CSF1R: variants seen among roughly 807,000 people sequenced by gnomAD.
CSF1R encodes the protein colony stimulating factor 1 receptor.
CSF1R carries 40 observed loss-of-function variants against 110.0 expected under a neutral mutation model. The observed-to-expected ratio is 0.36, with a 90% CI of 0.28 to 0.47. CSF1R has a LOEUF of 0.47. CSF1R is among the 20% of genes least tolerant of loss of function. CSF1R has a pLI of 0.99. For missense variants in CSF1R, 1,052 were observed against 1,253.0 expected (o/e 0.84, Z 2.42); for synonymous variants, 523 against 503.4 (o/e 1.04, Z -0.52).
chr5:150,105,382 ATATTTTTTTT>A (rs1237207559), intron 1 of CSF1R, among the ~76,000 whole-genome samples: 1 of 82,798 alleles, frequency 1.2e-5, no homozygotes, highest in African/African-American at 4.6e-5. Flanking sequence ...ATATATATAT[ATATTTTTTTT>A]TTTTTAATAG....
intron 16 of CSF1R, among the ~76,000 whole-genome samples, chr5:150,056,678 A>T (rs895551589): frequency 6.6e-6 from 1 of 152,228 alleles, no homozygotes; most frequent in Admixed American, 6.5e-5. Context: ...ACTTCTGATC[A>T]TAGCAGCTGC....
At chr5:150,055,216 C>G (rs762251526) in intron 19 of CSF1R, 21 bp downstream of exon 19, 38 of 1,608,178 alleles carry the variant, frequency 2.4e-5, no homozygotes, top group Non-Finnish European at 3.2e-5. Flanking sequence ...CCTTTTCCCT[C>G]CCTGGGATCC....
At chr5:150,059,388 TG>T (rs1757396538) in intron 14 of CSF1R, among the ~76,000 whole-genome samples, 1 of 152,232 alleles carries the variant, frequency 6.6e-6, no homozygotes, top group Non-Finnish European at 1.5e-5. Flanking sequence ...AGATCTTGGT[TG>T]ATCTTTTACA....
intron 10 of CSF1R, among the ~76,000 whole-genome samples, chr5:150,065,671 C>T (rs554072835): frequency 1.3e-5 from 2 of 151,304 alleles, no homozygotes; most frequent in East Asian, 3.9e-4. Flanking sequence ...CTGCCCCCTC[C>T]GCTCCCATGG....
intron 1 of CSF1R, among the ~76,000 whole-genome samples, chr5:150,083,357 C>T (rs1477508274): frequency 8.1e-6 from 1 of 124,044 alleles, no homozygotes; most frequent in East Asian, 2.1e-4. Context: ...CCAACACACA[C>T]ACACACACAC....
chr5:150,067,854 G>A (rs777919927), intron 10 of CSF1R, among the ~76,000 whole-genome samples: 4 of 152,114 alleles, frequency 2.6e-5, no homozygotes, highest in African/African-American at 7.2e-5. Flanking sequence ...TTGCTTTCAC[G>A]GCTTTTTGTT....
rs1265894621 is a variant in CSF1R at position 150,057,167 on chromosome 5, ACT to A, written c.2319+118_2319+119del. 8.8e-6 allele frequency: 7 copies of A among 798,922 alleles called. No individual in the cohort carries two copies. The Admixed American group carries it at 1.3e-4, about 15-fold the overall frequency. The allele number at this position is 798,922 out of a possible 1,614,324, so 49.5% of individuals were successfully genotyped here. A position where few individuals can be genotyped will look rare whatever the true frequency, so the allele number is the denominator to read the frequency against. ...GCTGCTGCCCAAATGACTCTCTCAT[ACT>A]CTGTCTCCTCCCCTACCCCCTCACA... On this transcript the variant is annotated intron_variant, in intron 16 of 20. Transcript: ENST00000675795.
At chr5:150,111,347 C>T (rs889752165) in intron 1 of CSF1R, among the ~76,000 whole-genome samples, 3 of 152,144 alleles carry the variant, frequency 2.0e-5, no homozygotes, top group African/African-American at 4.8e-5. Context: ...CCAGCTCACC[C>T]GTCTTCCCTG....
At position 150,060,974 on chromosome 5, in the gene CSF1R, TGGGA is replaced by T. The variant is rs1313902365; in HGVS notation, c.1859-6_1859-3del. ...CCTTCTCATCAGCATGGGCCGTGGC[TGGGA>T]GGAAGAACCACAGTCCCAAAGACAG... On this transcript the variant is annotated splice_region_variant and splice_polypyrimidine_tract_variant and intron_variant, in intron 12 of 20. Transcript: ENST00000675795. 6 of 1,589,678 alleles carry T rather than the reference TGGGA, an allele frequency of 3.8e-6. No homozygotes were observed. Among genetic ancestry groups the T allele is most frequent in the African/African-American group, 1.3e-5 (1 of 74,578 alleles).
intron 16 of CSF1R, among the ~76,000 whole-genome samples, chr5:150,056,564 C>G (rs1757226859): frequency 6.6e-6 from 1 of 152,170 alleles, no homozygotes; most frequent in Non-Finnish European, 1.5e-5. Flanking sequence ...CCCCATTACC[C>G]TGAGCAGCCA....
chr5:150,082,703 A>G (rs1758605258), intron 1 of CSF1R, among the ~76,000 whole-genome samples: 1 of 152,180 alleles, frequency 6.6e-6, no homozygotes, highest in South Asian at 2.1e-4. Flanking sequence ...CAGCTGGGTT[A>G]GTTTCTTAAC....
In CSF1R at chr5:150,078,218, A is replaced by C; in HGVS notation, c.623T>G (p.Val208Gly). The C allele has an allele frequency of 6.2e-7, 1 of 1,614,044 alleles. No individual in the cohort carries two copies. ...TCGAATCCGCACCAGCTCTGCAGGC[A>C]CCAGTGTCAAGGCTGGGGGCCCTGG... ...VIPGPPALTL[V>G]PAELVRIRGE... The change falls in exon 4 of 21, where the codon GTG becomes GGG. Residue 208 changes from valine to glycine, a missense_variant. Coordinates refer to ENST00000675795, the MANE Select transcript of CSF1R (RefSeq NM_001288705.3).
chr5:150,054,078 C>G lies in CSF1R; in HGVS notation c.2910G>C (p.Gln970His). The G allele has an allele frequency of 6.2e-7, 1 of 1,614,152 alleles. No homozygotes were observed. The highest frequency in any genetic ancestry group is 8.5e-7 in the Non-Finnish European group (1 of 1,180,032). ...AQPLLQPNNY[Q>H]FC ...CCCTGTCGTCAACTCCTCAGCAGAA[C>G]TGATAGTTGTTGGGCTGCAGCAAGG... The change falls in exon 21 of 21, where the codon CAG becomes CAC. Residue 970 changes from glutamine to histidine, a missense_variant. By Grantham distance (24) the Gln-to-His change is conservative (BLOSUM62 0). Transcript: ENST00000675795.
intron 14 of CSF1R, 135 bp downstream of exon 14, chr5:150,059,565 C>T (rs1757406591): frequency 9.9e-7 from 1 of 1,014,430 alleles, no homozygotes; most frequent in Non-Finnish European, 1.5e-6. Context: ...GTGGCTACTT[C>T]CCATGACACA....
intron 1 of CSF1R, among the ~76,000 whole-genome samples, chr5:150,093,294 G>T (rs569067730): frequency 3.3e-5 from 5 of 152,244 alleles, no homozygotes; most frequent in African/African-American, 1.2e-4. Context: ...GGCTAAGCTG[G>T]TCTCGAATTC....
chr5:150,075,035 G>C (rs1758203643), intron 5 of CSF1R, among the ~76,000 whole-genome samples: 1 of 152,138 alleles, frequency 6.6e-6, no homozygotes. Flanking sequence ...CAGTGCTCCA[G>C]GACACAGGAA....
At chr5:150,072,222 G>A (rs1011834265) in intron 6 of CSF1R, among the ~76,000 whole-genome samples, 1 of 152,166 alleles carries the variant, frequency 6.6e-6, no homozygotes, top group Non-Finnish European at 1.5e-5. Context: ...GGCCAGGCAC[G>A]ATGGCTCACA....
rs745487308 is a variant in CSF1R at position 150,069,918 on chromosome 5, T to TGTGG, written c.1461_1464dup (p.Asn489ProfsTer25). 6.2e-7 allele frequency: 1 copy of TGTGG among 1,613,870 alleles called. No homozygotes were observed. The highest frequency in any genetic ancestry group is 1.1e-5 in the South Asian group (1 of 91,080). On this transcript the variant is annotated frameshift_variant, in exon 9 of 21. Coordinates refer to ENST00000675795, the MANE Select transcript of CSF1R (RefSeq NM_001288705.3). LOFTEE classifies it high-confidence loss of function. The stretch of plus-strand genomic sequence containing the variant: ...GCCCAGGAGCCACTCCCCACGCTGT[T>TGTGG]GTGGGCCCTGCACTCGTAGGTTTGG...
At chr5:150,066,060 G>A (rs1214674059) in intron 10 of CSF1R, among the ~76,000 whole-genome samples, 1 of 152,226 alleles carries the variant, frequency 6.6e-6, no homozygotes, top group Non-Finnish European at 1.5e-5. Context: ...GTAAGGTCCT[G>A]TCCCTGGAGG....
Sources: allele counts gnomAD v4.1 joint callset (sites outside exome capture counted in the v4.1 genomes callset), GRCh38; gene constraint gnomAD v4.1.1; transcripts MANE v1.5; gene names NCBI Gene and HGNC (gene_info 2026-07-23, HGNC 2026-07-21).